The following GPHN variants were observed in gnomAD, a reference collection of about 807,000 sequenced individuals.
The protein encoded by GPHN is gephyrin.
Under a neutral mutation model 95.5 loss-of-function variants are expected in GPHN, and 17 were observed. That is an observed-to-expected ratio of 0.18 (90% CI 0.12 to 0.27). GPHN has a LOEUF of 0.27. GPHN is among the 10% of genes least tolerant of loss of function. The pLI is 1.00. For synonymous variants in GPHN, 320 were observed against 322.5 expected (o/e 0.99, Z 0.08); for missense variants, 660 against 978.1 (o/e 0.67, Z 4.34).
At chr14:66,738,183 A>C (rs556345103) in intron 2 of GPHN, among the ~76,000 whole-genome samples, 1 of 152,226 alleles carries the variant, frequency 6.6e-6, no homozygotes, top group African/African-American at 2.4e-5. Context: ...TTCTATATTC[A>C]TTCTTGAACG....
At chr14:66,811,610 A>G (rs1235245555) in intron 3 of GPHN, among the ~76,000 whole-genome samples, 1 of 151,992 alleles carries the variant, frequency 6.6e-6, no homozygotes, top group Non-Finnish European at 1.5e-5. Context: ...ATTTTTCACC[A>G]ACTGTCATTT....
At chr14:67,471,650 C>T in the GPHN span, 1 of 152,230 alleles carries the variant, frequency 6.6e-6, no homozygotes, top group Non-Finnish European at 1.5e-5. Flanking sequence ...AGGAAATACC[C>T]TTCGTTCTGC....
At chr14:67,099,604 C>T (rs1258443968) in intron 12 of GPHN, among the ~76,000 whole-genome samples, 1 of 150,974 alleles carries the variant, frequency 6.6e-6, no homozygotes, top group Non-Finnish European at 1.5e-5. Flanking sequence ...ATCTGTAAAG[C>T]ATAAAATACA....
chr14:67,722,549 G>C, the GPHN span: 3 of 1,037,242 alleles, frequency 2.9e-6, no homozygotes, highest in South Asian at 1.3e-5. Context: ...AGCAGAAGCA[G>C]CCAAGAGCTG....
chr14:66,822,171 C>T (rs934731088), intron 3 of GPHN, among the ~76,000 whole-genome samples: 1 of 152,144 alleles, frequency 6.6e-6, no homozygotes, highest in African/African-American at 2.4e-5. Flanking sequence ...TGGGTGGCCT[C>T]GATCTCCTGA....
chr14:67,204,115 T>C, the GPHN span, among the ~76,000 whole-genome samples: 2 of 152,122 alleles, frequency 1.3e-5, no homozygotes, highest in Admixed American at 1.3e-4. Context: ...TCTGGTGTCT[T>C]GAGTCTCACT....
chr14:67,285,806 A>G, the GPHN span, among the ~76,000 whole-genome samples: 3 of 152,256 alleles, frequency 2.0e-5, no homozygotes, highest in African/African-American at 4.8e-5. Flanking sequence ...TTCAGAGTCC[A>G]TTCTTTTACG....
the GPHN span, among the ~76,000 whole-genome samples, chr14:67,673,576 A>G: frequency 6.6e-6 from 1 of 152,220 alleles, no homozygotes; most frequent in Non-Finnish European, 1.5e-5. Context: ...CAGCCTCACA[A>G]TAAATATATA....
At chr14:67,649,397 T>C in the GPHN span, 3 of 151,852 alleles carry the variant, frequency 2.0e-5, no homozygotes, top group African/African-American at 7.3e-5. Context: ...ACTTGGGAGG[T>C]TGAGGCTGCA....
chr14:66,991,927 A>G (rs2071455895), intron 9 of GPHN, among the ~76,000 whole-genome samples: 1 of 151,938 alleles, frequency 6.6e-6, no homozygotes, highest in African/African-American at 2.4e-5. Context: ...AATCCAAAGT[A>G]ATACTTTCTT....
intron 1 of GPHN, among the ~76,000 whole-genome samples, chr14:66,674,543 A>G (rs2066482026): frequency 6.6e-6 from 1 of 152,200 alleles, no homozygotes. Flanking sequence ...TGGATACTAC[A>G]TATGCATGAG....
chr14:67,557,440 A>T, the GPHN span: 1 of 1,608,806 alleles, frequency 6.2e-7, no homozygotes, highest in Non-Finnish European at 8.5e-7. Context: ...TGCGCAAGGG[A>T]GCACCATGCC....
the GPHN span, chr14:67,338,844 G>T: frequency 7.5e-7 from 1 of 1,338,240 alleles, no homozygotes; most frequent in Non-Finnish European, 1.0e-6. Flanking sequence ...TTTGTAACAA[G>T]GATAATAAAC....
chr14:66,837,372 CTCAT>C (rs2061878442), intron 4 of GPHN, among the ~76,000 whole-genome samples: 1 of 142,102 alleles, frequency 7.0e-6, no homozygotes, highest in African/African-American at 2.7e-5. Flanking sequence ...CATGTTCTCA[CTCAT>C]AGGTGGGAAT....
chr14:67,574,162 C>G, the GPHN span: 2 of 1,309,284 alleles, frequency 1.5e-6, no homozygotes, highest in South Asian at 3.0e-5. The surrounding 1 kb of genome is among the most constrained non-coding windows in gnomAD (Gnocchi z 4.2). Context: ...GGTTCAGGGA[C>G]AGGTGCCACC....
chr14:66,608,040 G>GTTT (rs551854379), intron 1 of GPHN, among the ~76,000 whole-genome samples: 13 of 117,726 alleles, frequency 1.1e-4, no homozygotes, highest in East Asian at 2.6e-4. Context: ...TAGCTTTGTG[G>GTTT]TTTTTTTTTT....
chr14:67,415,803 A>G, the GPHN span, among the ~76,000 whole-genome samples: 1 of 152,258 alleles, frequency 6.6e-6, no homozygotes, highest in East Asian at 1.9e-4. Context: ...AGCCAAAAAC[A>G]GGAATAAGAT....
chr14:66,525,035 C>T (rs1424629791), intron 1 of GPHN, among the ~76,000 whole-genome samples: 8 of 152,146 alleles, frequency 5.3e-5, no homozygotes, highest in Middle Eastern at 3.4e-3. Flanking sequence ...TGCTGGGTCA[C>T]GTGGTATTTC....
the GPHN span, among the ~76,000 whole-genome samples, chr14:67,646,250 T>C: frequency 5.9e-5 from 9 of 152,208 alleles, no homozygotes; most frequent in East Asian, 3.8e-4. Context: ...AGATTATTCA[T>C]TGGGCGGAAG....
Sources: allele counts gnomAD v4.1 joint callset (sites outside exome capture counted in the v4.1 genomes callset), GRCh38; gene constraint gnomAD v4.1.1; non-coding constraint Gnocchi (gnomAD v3.1); transcripts MANE v1.5; gene names NCBI Gene and HGNC (gene_info 2026-07-23, HGNC 2026-07-21).